ABCA4: variants seen among roughly 807,000 people sequenced by gnomAD.
The protein encoded by ABCA4 is retinal-specific phospholipid-transporting ATPase ABCA4.
Under a neutral mutation model 263.7 loss-of-function variants are expected in ABCA4, and 196 were observed. The ratio of observed to expected loss-of-function variants is 0.74; its 90% confidence interval spans 0.66 to 0.84. The LOEUF (loss-of-function observed/expected upper bound fraction) is 0.84. Among genes scored for constraint, ABCA4 ranks in the 40% least tolerant of loss-of-function variants. The pLI, the probability that ABCA4 is intolerant of heterozygous loss-of-function variation, is 0.00. For synonymous variants in ABCA4, 1,133 were observed against 1,094.2 expected, an observed-to-expected ratio of 1.04 and a Z score of -0.70; for missense variants, 2,792 against 2,855.1, an observed-to-expected ratio of 0.98 and a Z score of 0.50.
chr1:94,088,650 G>C (rs1308615069), intron 6 of ABCA4, among the ~76,000 whole-genome samples: 1 of 152,216 alleles, frequency 6.6e-6, no homozygotes, highest in Non-Finnish European at 1.5e-5. Flanking sequence ...TAAATCTCCA[G>C]CCTGGAGATC....
At chr1:94,061,326 C>T (rs1237097828) in intron 13 of ABCA4, 1 of 172,336 alleles carries the variant, frequency 5.8e-6, no homozygotes, top group Non-Finnish European at 1.3e-5. Flanking sequence ...AGTTATCCAA[C>T]AGCCACTGGA....
Position 94,060,644 on chromosome 1 carries a change from T to C in ABCA4, c.2053A>G (p.Thr685Ala). ...TTGGAGACACCCTGATTTTTCAAGG[T>C]CTCCTTCAGTCGCAACTCCTTCTCC... ...VLEKELRLKE[T>A]LKNQGVSNAV... is the part of the protein sequence containing the mutation. The change falls in exon 14 of 50, where the codon ACC (threonine) becomes GCC (alanine). Residue 685 changes from threonine to alanine, a missense_variant. Physicochemically the swap from Thr to Ala is moderately conservative, Grantham distance 58 (BLOSUM62 0). Transcript: ENST00000370225. 1 of 1,614,086 alleles carries C rather than the reference T, an allele frequency of 6.2e-7. No individual in the cohort carries two copies. The highest frequency in any genetic ancestry group is 8.5e-7 in the Non-Finnish European group (1 of 1,180,026).
intron 36 of ABCA4, among the ~76,000 whole-genome samples, chr1:94,019,019 G>GT (rs757258025): frequency 0.018 from 1,382 of 76,420 alleles, 126 homozygotes; most frequent in African/African-American, 0.047. Context: ...AAACAACCAG[G>GT]TTTTTTTTTT....
At chr1:94,042,481 G>C (rs1363066272) in intron 22 of ABCA4, among the ~76,000 whole-genome samples, 1 of 152,234 alleles carries the variant, frequency 6.6e-6, no homozygotes, top group African/African-American at 2.4e-5. Flanking sequence ...TTCACCTAGA[G>C]TAGCATCCAT....
chr1:94,078,553 T>TCCTCC (rs1413127010), intron 10 of ABCA4, 37 bp downstream of exon 10: 2 of 725,998 alleles, frequency 2.8e-6, no homozygotes, highest in Non-Finnish European at 4.7e-6. Flanking sequence ...CACCGCTTCC[T>TCCTCC]CCTCCCCTCC....
Position 94,009,652 on chromosome 1 carries a change from C to T in ABCA4, c.5715-781G>A, listed in dbSNP as rs543444038. ...ATCTTCCCCATTCTTAAAGACACAG[C>T]CTCTTCTTTGAAACCCTCCCTGACC... On this transcript the variant is annotated intron_variant, in intron 40 of 49. Transcript: ENST00000370225. Among the ~76,000 whole-genome samples the T allele has an allele frequency of 4.6e-5, 7 of 152,348 alleles. No individual in the cohort carries two copies. The South Asian group carries it at 1.2e-3, about 27-fold the overall frequency.
intron 38 of ABCA4, among the ~76,000 whole-genome samples, chr1:94,014,192 AGAAAGAAGGAAG>A (rs55951247): frequency 0.097 from 14,331 of 147,082 alleles, 744 homozygotes; most frequent in East Asian, 0.15. Flanking sequence ...GAAAGAAGGA[AGAAAGAAGGAAG>A]GATGGAGGGA....
chr1:94,008,974 T>C, intron 40 of ABCA4, 103 bp from the exon 41 acceptor site: 1 of 1,519,068 alleles, frequency 6.6e-7, no homozygotes, highest in Non-Finnish European at 9.0e-7. Flanking sequence ...TGCTTCCTTC[T>C]GGGCTTCCAT....
chr1:94,043,194 G>A (rs1403263989), intron 21 of ABCA4, 142 bp downstream of exon 21: 1 of 1,224,874 alleles, frequency 8.2e-7, no homozygotes, highest in Non-Finnish European at 1.1e-6. Flanking sequence ...TCTGGGGGCT[G>A]CTCTTAGATT....
chr1:94,023,271 A>G lies in ABCA4; in HGVS notation c.4667+115T>C, dbSNP rs1373318301. On this transcript the variant is annotated intron_variant, in intron 32 of 49. Transcript: ENST00000370225. ...TCAGGACGTGTCTTGTGACTTCCTG[A>G]GCACCTACAGAACAGCCCCTCCTCA... is the stretch of plus-strand genomic sequence containing the variant. The G allele has an allele frequency of 3.5e-6, 3 of 845,286 alleles. No homozygotes were observed. The African/African-American group carries it at 5.1e-5, about 14-fold the overall frequency. 52.4% of individuals were successfully genotyped at this position (845,286 alleles called of 1,614,324 possible).
At chr1:94,052,850 T>A (rs950403307) in intron 16 of ABCA4, among the ~76,000 whole-genome samples, 2 of 152,210 alleles carry the variant, frequency 1.3e-5, no homozygotes, top group Admixed American at 6.5e-5. Flanking sequence ...TGTCTTTTTT[T>A]ATTCATAATA....
rs370967816 is a variant in ABCA4 at position 94,040,064 on chromosome 1, T to A, written c.3586A>T (p.Thr1196Ser). The A allele has an allele frequency of 7.2e-5, 115 of 1,607,690 alleles. No individual in the cohort carries two copies. The highest frequency in any genetic ancestry group is 9.3e-5 in the Non-Finnish European group (109 of 1,176,876). The change falls in exon 24 of 50, where the codon ACT becomes TCT. Residue 1196 changes from threonine to serine, a missense_variant. Thr to Ser is a moderately conservative substitution (Grantham distance 58). Coordinates refer to ENST00000370225, the MANE Select transcript of ABCA4 (RefSeq NM_000350.3). ...TTACCATCCAGGACTTGTTCTGGAG[T>A]TAGGTCATCGACGTGGGCTGGACAC... is the stretch of plus-strand genomic sequence containing the variant. Reference protein sequence around the residue: ...TTCPAHVDDLTPEQVLDGDVN... With the variant: ...TTCPAHVDDLSPEQVLDGDVN...
At position 93,993,127 on chromosome 1, in the gene ABCA4, G is replaced by T; in HGVS notation, c.*110C>A. Reference sequence around the variant, plus strand: ...TCGTGTGTTTGTTTTCTGCTGCAGTGGGGTCATTTACGCTGGCCAGTCCAT... The same window carrying T: ...TCGTGTGTTTGTTTTCTGCTGCAGTTGGGTCATTTACGCTGGCCAGTCCAT... On this transcript the variant is annotated 3_prime_UTR_variant, in exon 50 of 50. Coordinates refer to ENST00000370225, the MANE Select transcript of ABCA4 (RefSeq NM_000350.3). The T allele has an allele frequency of 7.1e-7, 1 of 1,410,626 alleles. No individual in the cohort carries two copies. The highest frequency in any genetic ancestry group is 1.0e-6 in the Non-Finnish European group (1 of 1,000,468). The allele number at this position is 1,410,626 out of a possible 1,614,324, so 87.4% of individuals were successfully genotyped here.
At chr1:94,117,825 C>A (rs1367155783) in intron 1 of ABCA4, among the ~76,000 whole-genome samples, 4 of 152,150 alleles carry the variant, frequency 2.6e-5, no homozygotes, top group Non-Finnish European at 4.4e-5. Context: ...TTCTGAACTC[C>A]ATGAAGGCAG....
chr1:94,083,854 G>A (rs545517713), intron 6 of ABCA4, among the ~76,000 whole-genome samples: 36 of 152,298 alleles, frequency 2.4e-4, no homozygotes, highest in African/African-American at 6.5e-4. Context: ...CAGTCTTCTC[G>A]TCATTGTTTA....
rs780663071 is a variant in ABCA4 at position 94,029,568 on chromosome 1, C to T, written c.4416G>A (p.Gln1472=). ...KTPSVSPNIT[Q]LFQKQKWTQV... is the part of the protein sequence containing the mutation. ...GTGTCCATTTCTGCTTCTGGAACAG[C>T]TGGGTGATGTTTGGGGACACAGAAG... Residue 1472 remains glutamine, a synonymous_variant, in exon 30 of 50, where the codon CAG becomes CAA. Coordinates refer to ENST00000370225, the MANE Select transcript of ABCA4 (RefSeq NM_000350.3). 5.0e-6 allele frequency: 8 copies of T among 1,613,870 alleles called. No individual in the cohort carries two copies. The East Asian group carries it at 6.7e-5, about 13-fold the overall frequency.
Position 93,998,003 on chromosome 1 carries a change from C to G in ABCA4, c.6587G>C (p.Ser2196Thr), listed in dbSNP as rs1402664483. 1 of 1,614,192 alleles carries G rather than the reference C, an allele frequency of 6.2e-7. No homozygotes were observed. The highest frequency in any genetic ancestry group is 2.2e-5 in the East Asian group (1 of 44,876). The change falls in exon 48 of 50, where the codon AGT becomes ACT. Residue 2196 changes from serine to threonine, a missense_variant. Physicochemically the swap from Ser to Thr is moderately conservative, Grantham distance 58. Transcript: ENST00000370225. ...GTTGTAGTGCCTCTCCCTCTGCACA[C>G]TGCCTGGGAAGTTCCCCTGGAAGAA... ...EQFFQGNFPGSVQRERHYNML... is the reference protein window; with the variant it reads ...EQFFQGNFPGTVQRERHYNML...
intron 2 of ABCA4, among the ~76,000 whole-genome samples, chr1:94,111,838 G>A (rs1181490098): frequency 1.3e-5 from 2 of 152,214 alleles, no homozygotes; most frequent in Non-Finnish European, 2.9e-5. Context: ...ATGTGAAGGG[G>A]AAGCAAGGGG....
intron 16 of ABCA4, among the ~76,000 whole-genome samples, chr1:94,053,315 T>A (rs1258365041): frequency 6.6e-6 from 1 of 152,216 alleles, no homozygotes; most frequent in Non-Finnish European, 1.5e-5. Flanking sequence ...GGAGTCTGTG[T>A]GAATTCTGGA....
Sources: allele counts gnomAD v4.1 joint callset (sites outside exome capture counted in the v4.1 genomes callset), GRCh38; gene constraint gnomAD v4.1.1; transcripts MANE v1.5; gene names NCBI Gene and HGNC (gene_info 2026-07-23, HGNC 2026-07-21).